AGFG1: variants seen among roughly 807,000 people sequenced by gnomAD.
AGFG1 encodes the protein ArfGAP with FG repeats 1, also known as arf-GAP domain and FG repeat-containing protein 1.
A neutral mutation model predicts 60.6 loss-of-function variants in AGFG1; 10 were observed. The ratio of observed to expected loss-of-function variants is 0.16; its 90% CI spans 0.10 to 0.28. AGFG1 has a LOEUF of 0.28. Among genes scored for constraint, AGFG1 ranks in the 10% least tolerant of loss-of-function variants. AGFG1 has a pLI of 1.00. For synonymous variants in AGFG1, 247 were observed against 242.9 expected (o/e 1.02, Z -0.16); for missense variants, 537 against 676.5 (o/e 0.79, Z 2.29).
chr2:227,527,070 C>T (rs535765086), intron 5 of AGFG1, among the ~76,000 whole-genome samples: 2 of 152,076 alleles, frequency 1.3e-5, no homozygotes, highest in African/African-American at 2.4e-5. Context: ...TCACTTGTAT[C>T]TCTCCTTAAT....
At chr2:227,512,653 A>G (rs1235018091) in intron 2 of AGFG1, among the ~76,000 whole-genome samples, 5 of 152,150 alleles carry the variant, frequency 3.3e-5, no homozygotes, top group Admixed American at 3.3e-4. Flanking sequence ...GAGAGCTTCT[A>G]ATGGTATTTA....
chr2:227,530,905 C>T (rs1302733446), intron 5 of AGFG1, among the ~76,000 whole-genome samples, 186 bp from the exon 6 acceptor site: 1 of 152,064 alleles, frequency 6.6e-6, no homozygotes, highest in Non-Finnish European at 1.5e-5. Context: ...TTGGTTACTC[C>T]TTAGTAAATT....
intron 7 of AGFG1, among the ~76,000 whole-genome samples, chr2:227,534,171 A>G (rs1007474129): frequency 1.3e-5 from 2 of 152,102 alleles, no homozygotes; most frequent in African/African-American, 2.4e-5. Flanking sequence ...AAATTCATGA[A>G]TTTTACAGTA....
intron 7 of AGFG1, among the ~76,000 whole-genome samples, chr2:227,534,170 A>T (rs560781778): frequency 6.6e-6 from 1 of 152,070 alleles, no homozygotes; most frequent in African/African-American, 2.4e-5. Context: ...AAAATTCATG[A>T]ATTTTACAGT....
intron 7 of AGFG1, among the ~76,000 whole-genome samples, chr2:227,534,591 G>A (rs1430056462): frequency 6.6e-6 from 1 of 152,088 alleles, no homozygotes. Context: ...TCTTTCTTAT[G>A]CATAATCCAG....
At chr2:227,519,115 G>A (rs1321649185) in intron 2 of AGFG1, among the ~76,000 whole-genome samples, 1 of 152,142 alleles carries the variant, frequency 6.6e-6, no homozygotes, top group Admixed American at 6.5e-5. Context: ...GCAATAAGCT[G>A]AGATTGCACC....
At chr2:227,525,230 C>T (rs1300834405) in intron 5 of AGFG1, among the ~76,000 whole-genome samples, 2 of 152,174 alleles carry the variant, frequency 1.3e-5, no homozygotes, top group Admixed American at 6.6e-5. Context: ...GTGCTAATCA[C>T]TCATGGCTAA....
At chr2:227,535,506 T>G (rs1692282809) in intron 8 of AGFG1, among the ~76,000 whole-genome samples, 1 of 152,234 alleles carries the variant, frequency 6.6e-6, no homozygotes. Flanking sequence ...TAAGCACATC[T>G]GCTGTTATGT....
rs909340124 is a variant in AGFG1 at position 227,545,911 on chromosome 2, G to A, written c.1379-6048G>A. 4.6e-5 allele frequency among the ~76,000 whole-genome samples: 7 copies of A among 152,190 alleles called. No homozygotes were observed. In the East Asian group the frequency reaches 1.4e-3, roughly 29 times the overall value. On this transcript the variant is annotated intron_variant, in intron 10 of 12. Transcript: ENST00000310078. ...GGTGTCAATCGGCCCCTACTGGGAG[G>A]TGTCTCCCAGTTAGGCTACTGCGGG...
chr2:227,478,044 G>A (rs556156546), intron 1 of AGFG1, among the ~76,000 whole-genome samples: 2 of 152,106 alleles, frequency 1.3e-5, no homozygotes, highest in East Asian at 3.9e-4. Flanking sequence ...ATACTGTTGT[G>A]TATTCTGAAA....
intron 2 of AGFG1, among the ~76,000 whole-genome samples, chr2:227,505,449 C>G (rs915631569): frequency 2.0e-5 from 3 of 152,156 alleles, no homozygotes; most frequent in African/African-American, 7.2e-5. Flanking sequence ...ATTCCAATTG[C>G]ATGGATGTTA....
rs55762248 is a variant in AGFG1, at chr2:227,489,223, G to GTTTT, written c.168-2302_168-2299dup. 2.0e-3 allele frequency among the ~76,000 whole-genome samples: 147 copies of GTTTT among 74,814 alleles called. 7 individuals carry two copies. The highest frequency in any genetic ancestry group is 6.5e-3 in the African/African-American group (113 of 17,408). 49.1% of individuals were successfully genotyped at this position (74,814 alleles called of 152,430 possible). Reference sequence around the variant, plus strand: ...TGTTTCTTCAGAGTTAGTTTTGAGAGTTTTTTTTTTTTTTTTTTTTTTTTT... The same window carrying GTTTT: ...TGTTTCTTCAGAGTTAGTTTTGAGAGTTTTTTTTTTTTTTTTTTTTTTTTTTTTT... On this transcript the variant is annotated intron_variant, in intron 1 of 12. Transcript: ENST00000310078.
chr2:227,558,335 A>C lies in AGFG1; in HGVS notation c.*3840A>C, dbSNP rs1693036298. On this transcript the variant is annotated 3_prime_UTR_variant, in exon 13 of 13. Coordinates refer to ENST00000310078, the MANE Select transcript of AGFG1 (RefSeq NM_004504.5). ...ACGTTCTTGTCTTGTATATCTAAAA[A>C]AACTTTAATCACTTGAATTCCTTTC... is the stretch of plus-strand genomic sequence containing the variant. 1 of 152,184 alleles carries C rather than the reference A, an allele frequency of 6.6e-6. No homozygotes were observed. The highest frequency in any genetic ancestry group is 2.4e-5 in the African/African-American group (1 of 41,456). The allele number at this position is 152,184 out of a possible 1,614,324, so 9.4% of individuals were successfully genotyped here. A position where few individuals can be genotyped will look rare whatever the true frequency, so the allele number is the denominator to read the frequency against.
Position 227,524,838 on chromosome 2 carries a change from A to C in AGFG1, c.617A>C (p.Asp206Ala). The C allele has an allele frequency of 6.2e-7, 1 of 1,614,146 alleles. No homozygotes were observed. The highest frequency in any genetic ancestry group is 8.5e-7 in the Non-Finnish European group (1 of 1,179,992). The change falls in exon 5 of 13, where the codon GAC becomes GCC. Residue 206 changes from aspartate (D) to alanine (A), a missense_variant. By Grantham distance (126) the Asp-to-Ala change is moderately radical (BLOSUM62 -2). Around this residue, in one of 4 missense-constraint regions of AGFG1, gnomAD observed 102 missense variants for 82.9 expected, o/e 1.23. Transcript: ENST00000310078. The stretch of plus-strand genomic sequence containing the variant: ...GACCTTTTAAGTGATCTCGGCTCAG[A>C]CATCTTTGCTGCTCCAGCTCCTCAG... ...QFDLLSDLGS[D>A]IFAAPAPQST...
At chr2:227,496,372 G>C (rs557325188) in intron 2 of AGFG1, among the ~76,000 whole-genome samples, 1 of 151,568 alleles carries the variant, frequency 6.6e-6, no homozygotes, top group Non-Finnish European at 1.5e-5. Flanking sequence ...AACCTGGGTG[G>C]TGGAGCTTGC....
chr2:227,534,358 G>A (rs1026607276), intron 7 of AGFG1, among the ~76,000 whole-genome samples: 1 of 152,074 alleles, frequency 6.6e-6, no homozygotes, highest in Admixed American at 6.6e-5. Flanking sequence ...TGTGTTCTAA[G>A]TATTATTGCA....
chr2:227,510,206 A>C (rs1176533838), intron 2 of AGFG1, among the ~76,000 whole-genome samples: 1 of 152,108 alleles, frequency 6.6e-6, no homozygotes, highest in East Asian at 1.9e-4. Context: ...AAAGAAGAGA[A>C]GGCTTATTGC....
intron 2 of AGFG1, among the ~76,000 whole-genome samples, chr2:227,499,180 A>G (rs913064896): frequency 7.9e-5 from 12 of 152,326 alleles, no homozygotes; most frequent in African/African-American, 2.6e-4. Flanking sequence ...CCCTATGACA[A>G]TTAACAGTAA....
chr2:227,514,948 T>C (rs1054600290), intron 2 of AGFG1, among the ~76,000 whole-genome samples: 1 of 152,122 alleles, frequency 6.6e-6, no homozygotes, highest in African/African-American at 2.4e-5. Context: ...AGAGACAGGG[T>C]CTCACTGTAT....
Sources: allele counts gnomAD v4.1 joint callset (sites outside exome capture counted in the v4.1 genomes callset), GRCh38; gene constraint gnomAD v4.1.1; regional missense constraint gnomAD v4.1.1; transcripts MANE v1.5; gene names NCBI Gene and HGNC (gene_info 2026-07-23, HGNC 2026-07-21).